The following SULF2 variants were observed in gnomAD, a reference collection of about 807,000 sequenced individuals.
The protein encoded by SULF2 is sulfatase 2.
SULF2 carries 52 observed loss-of-function variants against 107.7 expected under a neutral mutation model. The ratio of observed to expected loss-of-function variants is 0.48; its 90% CI spans 0.39 to 0.61. The LOEUF is 0.61. Among genes scored for constraint, SULF2 ranks in the 20% least tolerant of loss-of-function variants. The pLI, the probability that SULF2 is intolerant of heterozygous loss-of-function variation, is 0.00. For synonymous variants in SULF2, 460 were observed against 464.3 expected (o/e 0.99, Z 0.12); for missense variants, 993 against 1,177.3 (o/e 0.84, Z 2.29).
At chr20:47,730,604 C>A (rs2089571032) in intron 3 of SULF2, among the ~76,000 whole-genome samples, 1 of 152,138 alleles carries the variant, frequency 6.6e-6, no homozygotes, top group Non-Finnish European at 1.5e-5. Context: ...GCGCCCACCA[C>A]CACACTCAGC....
chr20:47,755,347 T>C (rs1214207932), intron 2 of SULF2, among the ~76,000 whole-genome samples: 1 of 152,226 alleles, frequency 6.6e-6, no homozygotes, highest in Non-Finnish European at 1.5e-5. Context: ...GCATATGCCT[T>C]TGCTTTCTTT....
intron 3 of SULF2, among the ~76,000 whole-genome samples, chr20:47,704,705 A>G (rs2088673666): frequency 6.6e-6 from 1 of 152,240 alleles, no homozygotes; most frequent in South Asian, 2.1e-4. Flanking sequence ...GAAATTTCTG[A>G]CGAGTATTGC....
chr20:47,727,096 C>A (rs548724007), intron 3 of SULF2, among the ~76,000 whole-genome samples: 4 of 152,050 alleles, frequency 2.6e-5, no homozygotes, highest in African/African-American at 9.7e-5. Context: ...AGAAACCAGC[C>A]GTCACGAGAT....
chr20:47,744,078 G>A (rs2089951229), intron 2 of SULF2, among the ~76,000 whole-genome samples: 1 of 152,184 alleles, frequency 6.6e-6, no homozygotes, highest in Non-Finnish European at 1.5e-5. Context: ...CAGATTCTTA[G>A]GGGACATGCA....
intron 18 of SULF2, 99 bp downstream of exon 18, chr20:47,661,674 G>A (rs2087072876): frequency 1.6e-6 from 2 of 1,272,832 alleles, no homozygotes; most frequent in South Asian, 2.4e-5. Flanking sequence ...CCCAAAGCCT[G>A]GTGATTTCAG....
At chr20:47,664,958 G>A (rs145771898) in intron 14 of SULF2, among the ~76,000 whole-genome samples, 2 of 152,330 alleles carry the variant, frequency 1.3e-5, no homozygotes, top group Non-Finnish European at 1.5e-5. Flanking sequence ...CCGGCTCTGC[G>A]CAGCCAGCAC....
chr20:47,731,185 C>CT (rs199660759), intron 3 of SULF2, among the ~76,000 whole-genome samples: 41 of 93,332 alleles, frequency 4.4e-4, no homozygotes, highest in African/African-American at 1.9e-3. Context: ...CCTGTATCTT[C>CT]TCTTTTTTTT....
At chr20:47,675,364 T>C (rs2087607865) in intron 10 of SULF2, among the ~76,000 whole-genome samples, 1 of 152,114 alleles carries the variant, frequency 6.6e-6, no homozygotes, top group Admixed American at 6.5e-5. Context: ...GGGGGACGCA[T>C]TCATGCTGTA....
intron 2 of SULF2, among the ~76,000 whole-genome samples, chr20:47,751,494 C>G (rs2090157046): frequency 6.6e-6 from 1 of 152,216 alleles, no homozygotes; most frequent in African/African-American, 2.4e-5. Context: ...GAGAGAAGCT[C>G]TCTTTCCACA....
chr20:47,696,881 AT>A (rs1252790466), intron 4 of SULF2, among the ~76,000 whole-genome samples: 2 of 152,130 alleles, frequency 1.3e-5, no homozygotes, highest in African/African-American at 2.4e-5. Context: ...TCATTTAGTT[AT>A]TTCGTGTATT....
intron 1 of SULF2, among the ~76,000 whole-genome samples, chr20:47,779,326 C>A (rs2090780418): frequency 6.6e-6 from 1 of 152,150 alleles, no homozygotes; most frequent in South Asian, 2.1e-4. Flanking sequence ...TCAAAATCAC[C>A]CTCGGTTGAG....
At chr20:47,662,302 G>A (rs1568776616) in intron 17 of SULF2, among the ~76,000 whole-genome samples, 1 of 152,154 alleles carries the variant, frequency 6.6e-6, no homozygotes, top group Non-Finnish European at 1.5e-5. Context: ...AAGTGGCCTG[G>A]GTTCTTGTGT....
At chr20:47,746,376 A>G (rs1486853071) in intron 2 of SULF2, among the ~76,000 whole-genome samples, 2 of 152,130 alleles carry the variant, frequency 1.3e-5, no homozygotes, top group African/African-American at 2.4e-5. Context: ...GCGGGAAAGA[A>G]CCTGTGTCCT....
At chr20:47,712,938 G>A (rs1018959278) in intron 3 of SULF2, among the ~76,000 whole-genome samples, 11 of 152,170 alleles carry the variant, frequency 7.2e-5, no homozygotes, top group Non-Finnish European at 1.3e-4. Context: ...GGGAGGCTGG[G>A]GTGGGAGAAT....
At chr20:47,713,483 CAGAGTCAGAGG>C (rs1156757580) in intron 3 of SULF2, among the ~76,000 whole-genome samples, 16 of 152,118 alleles carry the variant, frequency 1.1e-4, no homozygotes, top group African/African-American at 3.9e-4. Context: ...GCTTGGTTTG[CAGAGTCAGAGG>C]ACTCTGACTC....
chr20:47,734,087 C>T (rs2089676034), intron 3 of SULF2, among the ~76,000 whole-genome samples: 1 of 152,218 alleles, frequency 6.6e-6, no homozygotes, highest in Non-Finnish European at 1.5e-5. Flanking sequence ...TAGAATAAGA[C>T]TACATTTCCC....
At chr20:47,732,886 C>T (rs143930793) in intron 3 of SULF2, among the ~76,000 whole-genome samples, 1 of 152,142 alleles carries the variant, frequency 6.6e-6, no homozygotes, top group East Asian at 1.9e-4. Flanking sequence ...CCTGAGGATG[C>T]AATTGATCCT....
At chr20:47,721,571 C>G (rs553667501) in intron 3 of SULF2, among the ~76,000 whole-genome samples, 1 of 152,032 alleles carries the variant, frequency 6.6e-6, no homozygotes, top group East Asian at 1.9e-4. Context: ...GGTTTCACCA[C>G]GTTGGTCAGG....
At position 47,736,877 on chromosome 20, in the gene SULF2, C is replaced by T. The variant is rs148582228; in HGVS notation, c.241G>A (p.Ala81Thr). 278 of 1,614,224 alleles carry T rather than the reference C, an allele frequency of 1.7e-4. 3 individuals carry two copies. The highest frequency in any genetic ancestry group is 4.0e-5 in the Non-Finnish European group (47 of 1,180,028). ...CAGCACATGGGTGTGGTCACGAAGG[C>T]GTTGATGAAGTGCGCCCCGCCCTGC... ...MEQGGAHFIN[A>T]FVTTPMCCPS... Residue 81 changes from alanine to threonine, a missense_variant, in exon 3 of 21, where the codon GCC (alanine) becomes ACC (threonine). This residue lies in a region of SULF2 where 388 missense variants were observed against 449.2 expected (regional missense o/e 0.86). Transcript: ENST00000688720.
Sources: gnomAD v4.1 joint callset for allele counts (sites outside exome capture counted in the v4.1 genomes callset) on GRCh38, gnomAD v4.1.1 for gene constraint, gnomAD v4.1.1 regional missense constraint, MANE v1.5 for transcripts, NCBI Gene and HGNC (gene_info 2026-07-23, HGNC 2026-07-21) for gene names.